Variants in DENND2A observed in about 807,000 individuals in gnomAD.
DENND2A encodes the protein DENN domain containing 2A, also known as DENN domain-containing protein 2A.
Under a neutral mutation model 105.3 loss-of-function variants are expected in DENND2A, and 53 were observed. The observed-to-expected ratio is 0.50, with a 90% CI of 0.40 to 0.63. The LOEUF (loss-of-function observed/expected upper bound fraction) is 0.63. DENND2A is among the 30% of genes least tolerant of loss of function. The probability of loss-of-function intolerance (pLI) is 0.00; values close to 1 mark genes in which losing one functional copy is unlikely to be tolerated. For synonymous variants in DENND2A, 522 were observed against 508.4 expected, an observed-to-expected ratio of 1.03 and a Z score of -0.36; for missense variants, 1,138 against 1,279.6, an observed-to-expected ratio of 0.89 and a Z score of 1.69.
intron 8 of DENND2A, among the ~76,000 whole-genome samples, 200 bp from the exon 9 acceptor site, chr7:140,567,473 T>C (rs1370374573): frequency 1.3e-5 from 2 of 152,200 alleles, no homozygotes; most frequent in Non-Finnish European, 2.9e-5. Flanking sequence ...TCTAACAAAT[T>C]AGTAGGAAAC....
chr7:140,577,197 T>G (rs269220), intron 5 of DENND2A, among the ~76,000 whole-genome samples: 79,977 of 151,914 alleles, frequency 0.53, 23,785 homozygotes, highest in African/African-American at 0.81. Flanking sequence ...TAGCTGTGGG[T>G]GAGAGTATTA....
chr7:140,566,684 ATT>A (rs3043058), intron 9 of DENND2A, among the ~76,000 whole-genome samples: 56 of 113,204 alleles, frequency 4.9e-4, no homozygotes, highest in African/African-American at 1.8e-3. Flanking sequence ...TGGCCATACT[ATT>A]TTTTTTTTTT....
At chr7:140,599,330 G>GA (rs199973107) in intron 3 of DENND2A, among the ~76,000 whole-genome samples, 4 of 146,830 alleles carry the variant, frequency 2.7e-5, no homozygotes, top group Admixed American at 6.8e-5. Context: ...ACTCTGTCTC[G>GA]AAAAAAAAAT....
intron 9 of DENND2A, among the ~76,000 whole-genome samples, chr7:140,562,342 C>T (rs1359188131): frequency 6.6e-6 from 1 of 152,056 alleles, no homozygotes; most frequent in South Asian, 2.1e-4. Context: ...GCACAGAGCA[C>T]CAGACTGATT....
intron 1 of DENND2A, among the ~76,000 whole-genome samples, chr7:140,633,614 G>A (rs1374320946): frequency 2.0e-5 from 3 of 152,122 alleles, no homozygotes; most frequent in Admixed American, 6.5e-5. Context: ...GAGAGAGAGA[G>A]GCCCTTGAAA....
intron 9 of DENND2A, among the ~76,000 whole-genome samples, chr7:140,562,180 G>C (rs1311384073): frequency 6.6e-6 from 1 of 151,668 alleles, no homozygotes; most frequent in African/African-American, 2.4e-5. Context: ...GAGCCACCGC[G>C]CCCGGCCCGA....
At chr7:140,539,869 T>C (rs1447859833) in intron 14 of DENND2A, among the ~76,000 whole-genome samples, 1 of 152,196 alleles carries the variant, frequency 6.6e-6, no homozygotes, top group African/African-American at 2.4e-5. Context: ...GGAACCCGTG[T>C]AGGATGGAAG....
chr7:140,589,508 G>A (rs1036412705), intron 3 of DENND2A, among the ~76,000 whole-genome samples: 12 of 152,180 alleles, frequency 7.9e-5, no homozygotes, highest in Non-Finnish European at 1.5e-5. Flanking sequence ...GGCCAGGGTA[G>A]TAACCACCAC....
chr7:140,580,963 C>T (rs887466182), intron 5 of DENND2A, among the ~76,000 whole-genome samples: 60 of 150,326 alleles, frequency 4.0e-4, no homozygotes, highest in Non-Finnish European at 8.0e-4. Context: ...TTAAAAAGAA[C>T]ATATATTCAA....
intron 18 of DENND2A, among the ~76,000 whole-genome samples, chr7:140,520,350 G>T (rs1563113320): frequency 2.0e-5 from 3 of 151,924 alleles, no homozygotes; most frequent in Non-Finnish European, 4.4e-5. Context: ...TGGCTTGGGA[G>T]GGGTGTCTGT....
At chr7:140,637,379 C>T (rs1800987105) in intron 1 of DENND2A, among the ~76,000 whole-genome samples, 1 of 152,198 alleles carries the variant, frequency 6.6e-6, no homozygotes, top group Admixed American at 6.5e-5. Flanking sequence ...AATGTATGGA[C>T]ATAGATTCTG....
intron 5 of DENND2A, among the ~76,000 whole-genome samples, chr7:140,583,030 G>A (rs992552287): frequency 6.6e-6 from 1 of 152,020 alleles, no homozygotes; most frequent in Non-Finnish European, 1.5e-5. Context: ...GGTGGCTCAC[G>A]CCTGTAATCT....
intron 1 of DENND2A, among the ~76,000 whole-genome samples, chr7:140,611,998 T>C (rs1439175630): frequency 6.6e-6 from 1 of 152,076 alleles, no homozygotes. Flanking sequence ...TCCAGCACTT[T>C]GGGAGGCAGA....
At chr7:140,551,066 C>A (rs753131890) in intron 12 of DENND2A, among the ~76,000 whole-genome samples, 3 of 151,408 alleles carry the variant, frequency 2.0e-5, no homozygotes, top group Middle Eastern at 3.4e-3. Flanking sequence ...TTTGGGATGC[C>A]GAGGCAAGCA....
In DENND2A at chr7:140,573,799, C is replaced by A; in HGVS notation, c.1446+9G>T. On this transcript the variant is annotated intron_variant, in intron 6 of 19. Transcript: ENST00000496613. ...CATACCTGAGCATGAAGCTTGTTGC[C>A]ACCATTACCTTGGGTATCTTTCTCT... 1 of 1,612,250 alleles carries A rather than the reference C, an allele frequency of 6.2e-7. No individual in the cohort carries two copies. Among genetic ancestry groups the A allele is most frequent in the South Asian group, 1.1e-5 (1 of 90,972 alleles).
chr7:140,533,603 A>G (rs891775623), intron 14 of DENND2A, among the ~76,000 whole-genome samples: 5 of 152,180 alleles, frequency 3.3e-5, no homozygotes, highest in African/African-American at 4.8e-5. Flanking sequence ...AAGGAAGCCA[A>G]AGTTCACTCA....
chr7:140,550,697 G>T (rs919336563), intron 12 of DENND2A, among the ~76,000 whole-genome samples: 2 of 151,682 alleles, frequency 1.3e-5, no homozygotes, highest in Non-Finnish European at 2.9e-5. Context: ...AATGACCTTA[G>T]GTGATCCACA....
chr7:140,531,901 T>C (rs533021348), intron 14 of DENND2A, among the ~76,000 whole-genome samples: 3 of 151,548 alleles, frequency 2.0e-5, no homozygotes, highest in East Asian at 1.9e-4. Context: ...CTGGGTCTGA[T>C]TGTAAGATGT....
intron 9 of DENND2A, among the ~76,000 whole-genome samples, chr7:140,564,396 A>T (rs1429058115): frequency 6.6e-6 from 1 of 152,194 alleles, no homozygotes; most frequent in East Asian, 1.9e-4. Flanking sequence ...CACATATTGG[A>T]ACATTGTATA....
Sources: allele counts gnomAD v4.1 joint callset (sites outside exome capture counted in the v4.1 genomes callset), GRCh38; gene constraint gnomAD v4.1.1; transcripts MANE v1.5; gene names NCBI Gene and HGNC (gene_info 2026-07-23, HGNC 2026-07-21).